The following TRAF2 variants were observed in gnomAD, a reference collection of about 807,000 sequenced individuals.
The protein encoded by TRAF2 is TNF receptor-associated factor 2.
TRAF2 carries 6 observed loss-of-function variants against 55.6 expected under a neutral mutation model. The ratio of observed to expected loss-of-function variants is 0.11; its 90% CI spans 0.06 to 0.21. The LOEUF (loss-of-function observed/expected upper bound fraction) is 0.21. Ranked by LOEUF, TRAF2 falls within the 10% of genes least tolerant of loss-of-function variation. TRAF2 has a pLI of 1.00. For synonymous variants in TRAF2, 329 were observed against 276.3 expected (o/e 1.19, Z -1.89); for missense variants, 561 against 684.5 (o/e 0.82, Z 2.01).
In TRAF2 at chr9:136,925,664, C is replaced by T; in HGVS notation, c.1288-19C>T. On this transcript the variant is annotated intron_variant, in intron 10 of 10. Coordinates refer to ENST00000247668, the MANE Select transcript of TRAF2 (RefSeq NM_021138.4). ...CGGCCCACAGACCTGTGTCCCCTCC[C>T]TGGGGCTCTCTCCTCCAGGTGACCT... 6.2e-7 allele frequency: 1 copy of T among 1,613,204 alleles called. No individual in the cohort carries two copies. The highest frequency in any genetic ancestry group is 1.1e-5 in the South Asian group (1 of 91,046).
chr9:136,916,654 C>G (rs755230998), intron 7 of TRAF2, 39 bp downstream of exon 7: 1 of 1,598,168 alleles, frequency 6.3e-7, no homozygotes, highest in Non-Finnish European at 8.6e-7. Context: ...CACCCCTCAT[C>G]CTGGGTGTGG....
chr9:136,909,070 A>G (rs1358915957), intron 5 of TRAF2, among the ~76,000 whole-genome samples: 1 of 152,032 alleles, frequency 6.6e-6, no homozygotes, highest in Non-Finnish European at 1.5e-5. Flanking sequence ...ATTTTTAAAA[A>G]AAGTTTGTTT....
intron 4 of TRAF2, among the ~76,000 whole-genome samples, chr9:136,906,212 G>A (rs541024772): frequency 6.1e-4 from 93 of 152,256 alleles, no homozygotes; most frequent in Middle Eastern, 6.8e-3. Context: ...TGCTGATGTC[G>A]AGGCTGCAGT....
At chr9:136,894,017 G>C (rs1849632503) in intron 1 of TRAF2, among the ~76,000 whole-genome samples, 1 of 150,656 alleles carries the variant, frequency 6.6e-6, no homozygotes, top group Non-Finnish European at 1.5e-5. Flanking sequence ...GAAAGTGCTG[G>C]GATTACAGGT....
chr9:136,916,649 C>G (rs1449925837), intron 7 of TRAF2, 34 bp downstream of exon 7: 2 of 1,606,248 alleles, frequency 1.2e-6, no homozygotes, highest in East Asian at 2.2e-5. Flanking sequence ...GGGGCCACCC[C>G]TCATCCTGGG....
intron 6 of TRAF2, among the ~76,000 whole-genome samples, chr9:136,911,951 G>A (rs1455449167): frequency 2.0e-5 from 3 of 148,566 alleles, no homozygotes; most frequent in Non-Finnish European, 3.0e-5. Flanking sequence ...CTGGGTTCAC[G>A]CCATTCTCCT....
rs562906423 is a variant in TRAF2, at chr9:136,925,754, A to G, written c.1359A>G (p.Ser453=). Residue 453 remains serine (S), a synonymous_variant, in exon 11 of 11, where the codon TCA becomes TCG. Transcript: ENST00000247668. ...ACGCCTTCAGGCCCGACGTGACTTCATCCTCTTTTCAGAGGCCAGTCAACG... is the reference window on the plus strand; with the variant it reads ...ACGCCTTCAGGCCCGACGTGACTTCGTCCTCTTTTCAGAGGCCAGTCAACG... The part of the protein sequence containing the change: ...VIDAFRPDVT[S]SSFQRPVNDM... 28 of 1,614,258 alleles carry G rather than the reference A, an allele frequency of 1.7e-5. No homozygotes were observed. In the South Asian group the frequency reaches 2.1e-4, roughly 12 times the overall value.
chr9:136,888,715 A>C (rs982075175), intron 1 of TRAF2, among the ~76,000 whole-genome samples: 1 of 152,214 alleles, frequency 6.6e-6, no homozygotes, highest in Non-Finnish European at 1.5e-5. Context: ...AGAGTCACCG[A>C]TGCCACCAAA....
At chr9:136,903,081 C>T (rs1849859221) in intron 4 of TRAF2, among the ~76,000 whole-genome samples, 3 of 152,118 alleles carry the variant, frequency 2.0e-5, no homozygotes, top group Admixed American at 2.0e-4. Context: ...ATTCTTCTGC[C>T]TCAGCCTACA....
intron 1 of TRAF2, among the ~76,000 whole-genome samples, chr9:136,895,427 C>T (rs1849659618): frequency 6.6e-6 from 1 of 152,250 alleles, no homozygotes; most frequent in African/African-American, 2.4e-5. Context: ...GCTGACCTAA[C>T]AGCCTGCCTG....
At chr9:136,897,232 T>C (rs1537795) in intron 1 of TRAF2, among the ~76,000 whole-genome samples, 152,264 of 152,300 alleles carry the variant, frequency 1, 76,114 homozygotes, top group Middle Eastern at 1. Context: ...ATTGGCTGGA[T>C]GATGCTCAGA....
chr9:136,913,142 C>CA (rs926711142), intron 6 of TRAF2, among the ~76,000 whole-genome samples: 74 of 149,926 alleles, frequency 4.9e-4, no homozygotes, highest in South Asian at 1.5e-3. Context: ...AACTCCATCT[C>CA]AAAAAAAAAC....
chr9:136,906,465 C>G (rs566448061), intron 4 of TRAF2, among the ~76,000 whole-genome samples: 1 of 152,232 alleles, frequency 6.6e-6, no homozygotes, highest in East Asian at 1.9e-4. Flanking sequence ...ATCAAACCAT[C>G]AGATCCCATG....
intron 9 of TRAF2, among the ~76,000 whole-genome samples, chr9:136,923,587 G>A (rs1211407724): frequency 7.2e-6 from 1 of 138,262 alleles, no homozygotes; most frequent in East Asian, 2.0e-4. Flanking sequence ...CTCAGCCTGG[G>A]CAACAAGAGT....
chr9:136,921,361 A>AGTGG, intron 9 of TRAF2, 146 bp downstream of exon 9: 1 of 1,057,918 alleles, frequency 9.5e-7, no homozygotes, highest in Non-Finnish European at 1.4e-6. Context: ...CACCTCCCTG[A>AGTGG]GTGGCAAGTG....
At chr9:136,919,721 T>C (rs1850338832) in intron 7 of TRAF2, among the ~76,000 whole-genome samples, 1 of 151,736 alleles carries the variant, frequency 6.6e-6, no homozygotes, top group Admixed American at 6.6e-5. Flanking sequence ...CCCGTCCCTT[T>C]TTTCTTTTCT....
chr9:136,884,580 A>G (rs1288859331), upstream of TRAF2, among the ~76,000 whole-genome samples: 1 of 9,502 alleles, frequency 1.1e-4, no homozygotes, highest in Non-Finnish European at 2.2e-4. Context: ...AAAAAGAGAC[A>G]GGGTCTCACT....
At chr9:136,907,841 C>T (rs968597757) in intron 4 of TRAF2, among the ~76,000 whole-genome samples, 3 of 151,912 alleles carry the variant, frequency 2.0e-5, no homozygotes, top group African/African-American at 7.2e-5. Flanking sequence ...GGCAGAGCAT[C>T]CCCTCAGCTC....
chr9:136,890,408 A>G (rs1849557590), intron 1 of TRAF2: 1 of 152,308 alleles, frequency 6.6e-6, no homozygotes, highest in Non-Finnish European at 1.5e-5. Context: ...AAGCAAGAGC[A>G]GCCCATGCCG....
Sources: allele counts gnomAD v4.1 joint callset (sites outside exome capture counted in the v4.1 genomes callset), GRCh38; gene constraint gnomAD v4.1.1; transcripts MANE v1.5; gene names NCBI Gene and HGNC (gene_info 2026-07-23, HGNC 2026-07-21).